The following ACSM1 variants were observed in gnomAD, a reference collection of about 807,000 sequenced individuals.
The protein encoded by ACSM1 is acyl-coenzyme A synthetase ACSM1, mitochondrial.
Under a neutral mutation model 75.8 loss-of-function variants are expected in ACSM1, and 79 were observed. The ratio of observed to expected loss-of-function variants is 1.04; its 90% CI spans 0.87 to 1.26. The LOEUF (loss-of-function observed/expected upper bound fraction) is 1.26, where lower values mean the gene tolerates loss of function less well. ACSM1 is among the 50% of genes most tolerant of loss of function. ACSM1 has a pLI of 0.00. For missense variants in ACSM1, 676 were observed against 720.1 expected (o/e 0.94, Z 0.70); for synonymous variants, 279 against 265.8 (o/e 1.05, Z -0.48).
chr16:20,650,155 G>T (rs1299699578), intron 7 of ACSM1, among the ~76,000 whole-genome samples: 1 of 152,158 alleles, frequency 6.6e-6, no homozygotes, highest in African/African-American at 2.4e-5. Flanking sequence ...CTCCTAGGTA[G>T]TTGTTGTTTC....
At chr16:20,689,525 TA>T (rs548362843) in intron 2 of ACSM1, among the ~76,000 whole-genome samples, 17 of 149,622 alleles carry the variant, frequency 1.1e-4, no homozygotes, top group Non-Finnish European at 1.6e-4. Context: ...GCAGAATGGA[TA>T]AAAAAAAAAT....
At chr16:20,696,452 A>T (rs981247034) in intron 1 of ACSM1, among the ~76,000 whole-genome samples, 16 of 152,248 alleles carry the variant, frequency 1.1e-4, no homozygotes, top group Non-Finnish European at 1.3e-4. Flanking sequence ...AAACTGAGTG[A>T]TGAAAGTCAG....
intron 10 of ACSM1, among the ~76,000 whole-genome samples, chr16:20,627,890 A>G (rs1218248888): frequency 7.7e-5 from 3 of 38,830 alleles, no homozygotes; most frequent in African/African-American, 3.2e-4. Flanking sequence ...ATATATATAT[A>G]TATATATATA....
intron 1 of ACSM1, among the ~76,000 whole-genome samples, chr16:20,695,465 G>A (rs913948409): frequency 4.6e-5 from 7 of 152,170 alleles, no homozygotes; most frequent in African/African-American, 9.7e-5. Context: ...AACTTTTGGA[G>A]TTAAGGTCTA....
chr16:20,680,139 T>C (rs757482559), intron 4 of ACSM1: 2 of 152,216 alleles, frequency 1.3e-5, no homozygotes, highest in Non-Finnish European at 1.5e-5. Context: ...CTAAGTAGTA[T>C]GTTAACCAAA....
intron 10 of ACSM1, among the ~76,000 whole-genome samples, chr16:20,635,379 G>C (rs1458309259): frequency 1.3e-5 from 2 of 152,116 alleles, no homozygotes; most frequent in Non-Finnish European, 2.9e-5. Flanking sequence ...CGGTGACAGA[G>C]CAAGACCTTG....
intron 11 of ACSM1, among the ~76,000 whole-genome samples, chr16:20,626,036 TA>T (rs1442150861): frequency 3.7e-4 from 56 of 152,148 alleles, no homozygotes; most frequent in Admixed American, 3.7e-3. Flanking sequence ...GGTAAGAACA[TA>T]AAATCTACTC....
At chr16:20,662,311 T>G (rs567293623) in intron 6 of ACSM1, among the ~76,000 whole-genome samples, 1 of 152,190 alleles carries the variant, frequency 6.6e-6, no homozygotes, top group African/African-American at 2.4e-5. Context: ...GGGAGTCTCT[T>G]GGAGATAGAT....
chr16:20,685,459 A>C, intron 2 of ACSM1, 56 bp from the exon 3 acceptor site: 2 of 1,504,742 alleles, frequency 1.3e-6, no homozygotes, highest in Non-Finnish European at 1.9e-6. Flanking sequence ...AAGGGCACTT[A>C]GTAAACTAAT....
At chr16:20,666,917 C>T (rs2019599616) in intron 6 of ACSM1, among the ~76,000 whole-genome samples, 1 of 152,102 alleles carries the variant, frequency 6.6e-6, no homozygotes, top group Admixed American at 6.6e-5. Context: ...ACCTGGGCTC[C>T]TACCTTTCGC....
intron 10 of ACSM1, among the ~76,000 whole-genome samples, chr16:20,629,087 G>C (rs1031581473): frequency 1.3e-5 from 2 of 152,200 alleles, no homozygotes; most frequent in Non-Finnish European, 2.9e-5. Flanking sequence ...GAAGTCTCAA[G>C]AGGAAGACAT....
intron 10 of ACSM1, among the ~76,000 whole-genome samples, chr16:20,630,752 A>G (rs925222577): frequency 1.3e-5 from 2 of 152,246 alleles, no homozygotes; most frequent in African/African-American, 4.8e-5. Context: ...GAACATTCTC[A>G]AGGATGGACC....
intron 7 of ACSM1, among the ~76,000 whole-genome samples, chr16:20,659,633 C>T (rs117187073): frequency 6.6e-6 from 1 of 152,176 alleles, no homozygotes; most frequent in African/African-American, 2.4e-5. Context: ...CCTGCAAAGT[C>T]TCTTGTGGGA....
At chr16:20,655,972 A>C (rs1236913204) in intron 7 of ACSM1, among the ~76,000 whole-genome samples, 1 of 152,146 alleles carries the variant, frequency 6.6e-6, no homozygotes, top group East Asian at 1.9e-4. Flanking sequence ...ACTTATTTTT[A>C]ATGCAAGAAG....
At chr16:20,682,071 C>T in intron 4 of ACSM1, 185 bp downstream of exon 4, 1 of 574,346 alleles carries the variant, frequency 1.7e-6, no homozygotes, top group Non-Finnish European at 3.1e-6. Context: ...CCCTCTCACC[C>T]CATGAAATGC....
rs2017790580 is a variant in ACSM1 at position 20,637,427 on chromosome 16, C to A, written c.1141G>T (p.Gly381Ter). The change falls in exon 9 of 14, where the codon GGA becomes TGA. Residue 381 changes from glycine to a stop codon, truncating the protein, a stop_gained. Transcript: ENST00000520010. LOFTEE classifies it high-confidence loss of function. Reference sequence around the variant, plus strand: ...ATGAAACCCGGCTTGATCTTCATTCCCCAGTAGGTGGCACAAATTAGTCCC... The same window carrying A: ...ATGAAACCCGGCTTGATCTTCATTCACCAGTAGGTGGCACAAATTAGTCCC... Reference protein sequence around the residue: ...ETGLICATYWGMKIKPGFMGK... With the variant: ...ETGLICATYW The A allele has an allele frequency of 6.2e-7, 1 of 1,613,980 alleles. No homozygotes were observed. The highest frequency in any genetic ancestry group is 1.3e-5 in the African/African-American group (1 of 75,016).
intron 7 of ACSM1, among the ~76,000 whole-genome samples, chr16:20,645,301 T>G (rs2018298591): frequency 6.6e-6 from 1 of 152,198 alleles, no homozygotes; most frequent in East Asian, 1.9e-4. Flanking sequence ...GAGGATGCTC[T>G]AGGACTAATA....
chr16:20,693,103 G>A (rs544178069), intron 1 of ACSM1, among the ~76,000 whole-genome samples: 1 of 151,886 alleles, frequency 6.6e-6, no homozygotes, highest in East Asian at 1.9e-4. Flanking sequence ...CTGGGAGTCG[G>A]AGGTTGCAGT....
chr16:20,653,934 C>T (rs954085082), intron 7 of ACSM1, among the ~76,000 whole-genome samples: 2 of 151,938 alleles, frequency 1.3e-5, no homozygotes, highest in African/African-American at 4.8e-5. Context: ...CAAAAAAGAG[C>T]CTGCATTGTC....
Sources: allele counts gnomAD v4.1 joint callset (sites outside exome capture counted in the v4.1 genomes callset), GRCh38; gene constraint gnomAD v4.1.1; transcripts MANE v1.5; gene names NCBI Gene and HGNC (gene_info 2026-07-23, HGNC 2026-07-21).